Variants in FRMD4A observed in about 807,000 individuals in gnomAD.
FRMD4A encodes the protein FERM domain containing 4A, also known as FERM domain-containing protein 4A.
In FRMD4A, 29 loss-of-function variants were observed where a neutral mutation model predicts 129.1. The ratio of observed to expected loss-of-function variants is 0.22; its 90% CI spans 0.17 to 0.31. The LOEUF is 0.31. FRMD4A is among the 10% of genes least tolerant of loss of function. The pLI, the probability that FRMD4A is intolerant of heterozygous loss-of-function variation, is 1.00. For missense variants in FRMD4A, 1,272 were observed against 1,375.8 expected (o/e 0.92, Z 1.19); for synonymous variants, 634 against 571.6 (o/e 1.11, Z -1.56).
At chr10:13,898,343 G>A (rs1344931313) in intron 2 of FRMD4A, among the ~76,000 whole-genome samples, 1 of 152,122 alleles carries the variant, frequency 6.6e-6, no homozygotes, top group Non-Finnish European at 1.5e-5. Context: ...TCCAGTCTGG[G>A]TGACAGAGAG....
intron 4 of FRMD4A, among the ~76,000 whole-genome samples, chr10:13,809,942 C>T (rs2093418181): frequency 6.6e-6 from 1 of 152,214 alleles, no homozygotes; most frequent in Non-Finnish European, 1.5e-5. Context: ...TGGATGCCCA[C>T]CTGTTCTTGC....
At chr10:13,832,376 A>G (rs10906505) in intron 3 of FRMD4A, among the ~76,000 whole-genome samples, 2 of 152,026 alleles carry the variant, frequency 1.3e-5, no homozygotes, top group South Asian at 4.1e-4. Flanking sequence ...GAGAGGTTTC[A>G]GAACAGGAAG....
At chr10:14,269,733 G>A (rs559167208) in intron 2 of FRMD4A, among the ~76,000 whole-genome samples, 176 of 152,298 alleles carry the variant, frequency 1.2e-3, no homozygotes, top group African/African-American at 4.1e-3. Context: ...CCCTATGATG[G>A]CTGATTTTGG....
intron 6 of FRMD4A, among the ~76,000 whole-genome samples, chr10:13,767,262 A>G (rs956187248): frequency 6.6e-6 from 1 of 151,818 alleles, no homozygotes; most frequent in African/African-American, 2.4e-5. Flanking sequence ...TTTTTGAGAC[A>G]GGATCTCACT....
At chr10:14,118,370 G>A (rs1838310925) in intron 2 of FRMD4A, among the ~76,000 whole-genome samples, 1 of 152,186 alleles carries the variant, frequency 6.6e-6, no homozygotes, top group African/African-American at 2.4e-5. Context: ...AATTTCTGCA[G>A]AAATTTGATG....
intron 2 of FRMD4A, among the ~76,000 whole-genome samples, chr10:14,062,230 A>G (rs1834847518): frequency 6.6e-6 from 1 of 152,252 alleles, no homozygotes. Flanking sequence ...ATTAATATTT[A>G]CAGACAGAAA....
intron 9 of FRMD4A, among the ~76,000 whole-genome samples, chr10:13,740,823 G>GTTT (rs369798483): frequency 0.021 from 2,232 of 105,060 alleles, 397 homozygotes; most frequent in African/African-American, 0.064. Context: ...TGTCTTGGAT[G>GTTT]TTTGTTTTTT....
chr10:13,682,503 T>C lies in FRMD4A; in HGVS notation c.1118-7459A>G, dbSNP rs1040789083. The stretch of plus-strand genomic sequence containing the variant: ...ATTCCCATTTTCTTTCTTTCTTTTT[T>C]TTTTTTTTTTTTTTTGAGACAGAGT... On this transcript the variant is annotated intron_variant, in intron 15 of 24. Transcript: ENST00000357447. Among the ~76,000 whole-genome samples the C allele has an allele frequency of 1.2e-4, 17 of 144,566 alleles. 1 individual carries two copies. Among genetic ancestry groups the C allele is most frequent in the African/African-American group, 4.3e-4 (17 of 39,150 alleles). The allele number at this position is 144,566 out of a possible 152,430, so 94.8% of individuals were successfully genotyped here.
At chr10:14,296,219 CA>C (rs1846004387) in intron 2 of FRMD4A, among the ~76,000 whole-genome samples, 1 of 152,058 alleles carries the variant, frequency 6.6e-6, no homozygotes, top group South Asian at 2.1e-4. Flanking sequence ...GGCCTTTGGC[CA>C]AAGTAATCAA....
intron 2 of FRMD4A, among the ~76,000 whole-genome samples, chr10:14,135,507 G>A (rs893676134): frequency 6.6e-6 from 1 of 152,186 alleles, no homozygotes; most frequent in Non-Finnish European, 1.5e-5. Context: ...AATCTGCTGT[G>A]ATTCTGGGGG....
At chr10:13,960,850 T>A (rs1473651651) in intron 2 of FRMD4A, among the ~76,000 whole-genome samples, 8 of 152,102 alleles carry the variant, frequency 5.3e-5, no homozygotes. Flanking sequence ...TTCTCTGCCC[T>A]CCTTTTTTTT....
At chr10:14,187,152 A>AAGGAAGGGAGGG (rs1842173541) in intron 2 of FRMD4A, among the ~76,000 whole-genome samples, 1 of 136,034 alleles carries the variant, frequency 7.4e-6, no homozygotes, top group Non-Finnish European at 1.6e-5. Context: ...GGAAGGAAAG[A>AAGGAAGGGAGGG]AGGAAGGGAG....
In FRMD4A at chr10:14,329,952, C is replaced by T. The variant is rs1843447909; in HGVS notation, c.45+106G>A. 3 of 1,023,252 alleles carry T rather than the reference C, an allele frequency of 2.9e-6. No homozygotes were observed. In the Admixed American group the frequency reaches 6.0e-5, roughly 21 times the overall value. The allele number at this position is 1,023,252 out of a possible 1,614,324, so 63.4% of individuals were successfully genotyped here. ...AAAGAGCCTGCGGGATAAAGCGGAGCAATGTTGAACATGTCTGCAGCCACT... is the reference window on the plus strand; with the variant it reads ...AAAGAGCCTGCGGGATAAAGCGGAGTAATGTTGAACATGTCTGCAGCCACT... On this transcript the variant is annotated intron_variant, in intron 2 of 24. Transcript: ENST00000357447.
At chr10:13,780,385 T>G (rs1241435460) in intron 6 of FRMD4A, among the ~76,000 whole-genome samples, 1 of 151,934 alleles carries the variant, frequency 6.6e-6, no homozygotes, top group Non-Finnish European at 1.5e-5. Context: ...ATTCCGCAAG[T>G]CCATCTTCCC....
chr10:13,658,709 C>G (rs1477158427), intron 21 of FRMD4A, among the ~76,000 whole-genome samples: 1 of 152,044 alleles, frequency 6.6e-6, no homozygotes, highest in Non-Finnish European at 1.5e-5. Context: ...GGTGAAACCC[C>G]GTCTCTACTA....
chr10:14,100,851 T>C (rs986535441), intron 2 of FRMD4A, among the ~76,000 whole-genome samples: 2 of 152,180 alleles, frequency 1.3e-5, no homozygotes, highest in African/African-American at 2.4e-5. Flanking sequence ...TTGATGACTT[T>C]AGTGGAAAAA....
At chr10:13,686,473 G>C (rs1020714987) in intron 15 of FRMD4A, among the ~76,000 whole-genome samples, 3 of 152,242 alleles carry the variant, frequency 2.0e-5, no homozygotes, top group African/African-American at 7.2e-5. Context: ...GGGAGGAAGT[G>C]CTAGCATTCA....
At chr10:13,691,604 A>G (rs1318867497) in intron 15 of FRMD4A, among the ~76,000 whole-genome samples, 1 of 152,164 alleles carries the variant, frequency 6.6e-6, no homozygotes, top group Non-Finnish European at 1.5e-5. Flanking sequence ...GTAAATTCTC[A>G]GGCTCTCCCC....
intron 2 of FRMD4A, among the ~76,000 whole-genome samples, chr10:13,961,584 C>T (rs181099599): frequency 1.2e-4 from 18 of 152,288 alleles, no homozygotes; most frequent in Admixed American, 9.2e-4. Flanking sequence ...GACTTCTGCC[C>T]ATTCACCTCC....
Sources: allele counts gnomAD v4.1 joint callset (sites outside exome capture counted in the v4.1 genomes callset), GRCh38; gene constraint gnomAD v4.1.1; transcripts MANE v1.5; gene names NCBI Gene and HGNC (gene_info 2026-07-23, HGNC 2026-07-21).